The following EYS variants were observed in gnomAD, a reference collection of about 807,000 sequenced individuals.
The protein encoded by EYS is EGF-like photoreceptor maintenance factor.
A neutral mutation model predicts 282.1 loss-of-function variants in EYS; 250 were observed. The observed-to-expected ratio is 0.89, with a 90% CI of 0.80 to 0.98. The LOEUF (loss-of-function observed/expected upper bound fraction) is 0.98, where lower values mean the gene tolerates loss of function less well. Ranked by LOEUF, EYS falls within the 50% of genes least tolerant of loss-of-function variation. EYS has a pLI of 0.00. For missense variants in EYS, 4,016 were observed against 3,709.0 expected (o/e 1.08, Z -2.15); for synonymous variants, 1,355 against 1,282.9 (o/e 1.06, Z -1.20).
intron 35 of EYS, among the ~76,000 whole-genome samples, chr6:63,953,324 A>G (rs1456246887): frequency 6.6e-5 from 10 of 151,868 alleles, no homozygotes; most frequent in African/African-American, 2.4e-4. Flanking sequence ...CTTCTCACCT[A>G]ATTAAATATT....
At chr6:64,013,612 A>G (rs1000266689) in intron 33 of EYS, among the ~76,000 whole-genome samples, 3 of 152,162 alleles carry the variant, frequency 2.0e-5, no homozygotes, top group Non-Finnish European at 2.9e-5. Context: ...AGGCCATGGT[A>G]AAAGTATTTA....
intron 26 of EYS, among the ~76,000 whole-genome samples, chr6:64,499,478 T>C (rs147744435): frequency 6.6e-6 from 1 of 152,336 alleles, no homozygotes; most frequent in Admixed American, 6.5e-5. Context: ...TTTTGGAGTC[T>C]TGCTGCTATG....
chr6:64,595,127 G>C (rs1309396294), intron 24 of EYS, among the ~76,000 whole-genome samples: 1 of 152,068 alleles, frequency 6.6e-6, no homozygotes, highest in Non-Finnish European at 1.5e-5. Flanking sequence ...GGCATGCAAG[G>C]ATGTTTCAAC....
At chr6:64,285,550 A>G (rs2150363306) in intron 30 of EYS, among the ~76,000 whole-genome samples, 1 of 152,244 alleles carries the variant, frequency 6.6e-6, no homozygotes, top group South Asian at 2.1e-4. Context: ...TGTTCTTCTG[A>G]GCCCTCCAAA....
At chr6:64,891,158 T>C (rs928510032) in intron 18 of EYS, among the ~76,000 whole-genome samples, 2 of 146,172 alleles carry the variant, frequency 1.4e-5, no homozygotes, top group South Asian at 2.2e-4. Context: ...TAAAATTTCA[T>C]AGAGATTAAA....
intron 33 of EYS, among the ~76,000 whole-genome samples, chr6:64,013,756 C>A (rs1768756535): frequency 1.3e-5 from 2 of 151,786 alleles, no homozygotes; most frequent in Non-Finnish European, 1.5e-5. Flanking sequence ...TCACTTAGAA[C>A]AAGGGCATTA....
chr6:65,002,776 T>C (rs1221387642), intron 13 of EYS, among the ~76,000 whole-genome samples: 15 of 147,720 alleles, frequency 1.0e-4, no homozygotes, highest in African/African-American at 3.1e-4. Flanking sequence ...ATTGTGAAGA[T>C]TTCATGGACA....
intron 5 of EYS, among the ~76,000 whole-genome samples, chr6:65,449,090 C>T (rs1010743010): frequency 2.0e-5 from 3 of 151,982 alleles, no homozygotes; most frequent in Non-Finnish European, 4.4e-5. Context: ...AGCTATGGAC[C>T]GAGCACAAAA....
At chr6:65,616,614 C>T (rs758274580) in intron 2 of EYS, among the ~76,000 whole-genome samples, 2 of 151,830 alleles carry the variant, frequency 1.3e-5, no homozygotes, top group Non-Finnish European at 2.9e-5. Flanking sequence ...GGTGAAACCC[C>T]GTGTCTACTA....
At chr6:65,160,996 C>A (rs959071600) in intron 12 of EYS, among the ~76,000 whole-genome samples, 8 of 150,746 alleles carry the variant, frequency 5.3e-5, no homozygotes, top group Non-Finnish European at 6.0e-5. Flanking sequence ...TTTTCTACAT[C>A]TACACTGATT....
intron 19 of EYS, among the ~76,000 whole-genome samples, chr6:64,880,767 ATATT>A (rs1008538293): frequency 6.7e-6 from 1 of 149,142 alleles, no homozygotes; most frequent in South Asian, 2.1e-4. Context: ...ATATTTATAT[ATATT>A]TATTTATAGG....
chr6:64,490,905 G>T (rs1776719955), intron 26 of EYS, among the ~76,000 whole-genome samples: 1 of 150,434 alleles, frequency 6.6e-6, no homozygotes, highest in South Asian at 2.1e-4. Context: ...CATATTATGT[G>T]GTAGAACTAT....
intron 12 of EYS, among the ~76,000 whole-genome samples, chr6:65,143,487 G>A (rs1006620386): frequency 1.6e-4 from 24 of 151,762 alleles, no homozygotes; most frequent in Non-Finnish European, 3.1e-4. Context: ...AAAATTATTC[G>A]ATTTAGATAA....
At chr6:63,858,434 G>A (rs1285839440) in intron 36 of EYS, among the ~76,000 whole-genome samples, 1 of 152,078 alleles carries the variant, frequency 6.6e-6, no homozygotes, top group African/African-American at 2.4e-5. Flanking sequence ...TTAAATATGT[G>A]CCAACCTAAC....
intron 35 of EYS, among the ~76,000 whole-genome samples, chr6:63,888,794 C>T (rs879698579): frequency 2.0e-5 from 3 of 152,154 alleles, no homozygotes; most frequent in African/African-American, 2.4e-5. Flanking sequence ...ATGAGTTTGA[C>T]GGATTGACAG....
At chr6:63,958,335 A>G (rs1765908868) in intron 35 of EYS, among the ~76,000 whole-genome samples, 1 of 135,588 alleles carries the variant, frequency 7.4e-6, no homozygotes, top group Non-Finnish European at 1.7e-5. Flanking sequence ...GAAATAAACT[A>G]TAGAGGAAGA....
chr6:65,317,464 T>C (rs962129269), intron 11 of EYS, among the ~76,000 whole-genome samples: 4 of 152,230 alleles, frequency 2.6e-5, no homozygotes, highest in African/African-American at 9.6e-5. Context: ...TGTTTTCCTA[T>C]TGTTACGGTC....
chr6:64,925,977 T>G (rs780083953), intron 15 of EYS, among the ~76,000 whole-genome samples: 1 of 152,120 alleles, frequency 6.6e-6, no homozygotes, highest in Non-Finnish European at 1.5e-5. Context: ...GGATGGGGAA[T>G]GAGAGATGGC....
chr6:65,434,263 A>G (rs543128416), intron 5 of EYS, among the ~76,000 whole-genome samples: 3 of 147,140 alleles, frequency 2.0e-5, no homozygotes, highest in Non-Finnish European at 4.6e-5. Context: ...CAGAAGGAAG[A>G]GGCAATATTA....
Sources: gnomAD v4.1 joint callset for allele counts (sites outside exome capture counted in the v4.1 genomes callset) on GRCh38, gnomAD v4.1.1 for gene constraint, MANE v1.5 for transcripts, NCBI Gene and HGNC (gene_info 2026-07-23, HGNC 2026-07-21) for gene names.